MORN5: variants seen among roughly 807,000 people sequenced by gnomAD.
MORN5 encodes MORN repeat-containing protein 5.
Under a neutral mutation model 22.1 loss-of-function variants are expected in MORN5, and 21 were observed. The ratio of observed to expected loss-of-function variants is 0.95; its 90% CI spans 0.67 to 1.37. MORN5 has a LOEUF of 1.37. MORN5 is among the 40% of genes most tolerant of loss of function. MORN5 has a pLI of 0.00. For synonymous variants in MORN5, 73 were observed against 74.0 expected, an observed-to-expected ratio of 0.99 and a Z score of 0.07; for missense variants, 211 against 215.1, an observed-to-expected ratio of 0.98 and a Z score of 0.12.
intron 4 of MORN5, among the ~76,000 whole-genome samples, chr9:122,179,373 T>C (rs957707335): frequency 5.9e-5 from 9 of 152,192 alleles, no homozygotes; most frequent in South Asian, 2.1e-4. Flanking sequence ...TTTGATTACA[T>C]ATAGAGAAGA....
At chr9:122,199,552 C>T (rs1043441323) in intron 4 of MORN5, among the ~76,000 whole-genome samples, 1 of 152,156 alleles carries the variant, frequency 6.6e-6, no homozygotes, top group Non-Finnish European at 1.5e-5. Context: ...CTGGGGCTGT[C>T]GTGCGTGGGC....
chr9:122,169,594 C>A, intron 2 of MORN5, 51 bp from the exon 3 acceptor site: 2 of 1,348,556 alleles, frequency 1.5e-6, no homozygotes, highest in Non-Finnish European at 2.1e-6. Flanking sequence ...AACCTCTTGG[C>A]CAAAAGCCTT....
At chr9:122,171,869 T>C (rs1298714459) in intron 3 of MORN5, among the ~76,000 whole-genome samples, 2 of 151,988 alleles carry the variant, frequency 1.3e-5, no homozygotes, top group Non-Finnish European at 2.9e-5. Flanking sequence ...TCCATCATCT[T>C]TCCCCTTGAT....
intron 4 of MORN5, among the ~76,000 whole-genome samples, chr9:122,193,770 C>G (rs1321600784): frequency 6.6e-6 from 1 of 152,170 alleles, no homozygotes; most frequent in African/African-American, 2.4e-5. Flanking sequence ...AAGGGTGGTC[C>G]CTTGGGAATA....
At chr9:122,171,117 T>A (rs566586912) in intron 3 of MORN5, among the ~76,000 whole-genome samples, 1 of 152,282 alleles carries the variant, frequency 6.6e-6, no homozygotes, top group South Asian at 2.1e-4. Flanking sequence ...TGAGAGACCA[T>A]GAGCTGTGGT....
At chr9:122,189,822 G>T (rs925721841) in intron 4 of MORN5, among the ~76,000 whole-genome samples, 2 of 152,072 alleles carry the variant, frequency 1.3e-5, no homozygotes, top group African/African-American at 4.8e-5. Context: ...TAGACAGGAT[G>T]GTCTCGATCT....
intron 4 of MORN5, among the ~76,000 whole-genome samples, chr9:122,189,542 A>G (rs1411519268): frequency 6.6e-6 from 1 of 152,186 alleles, no homozygotes; most frequent in East Asian, 1.9e-4. Context: ...GGCTGAAGTG[A>G]GCCATGATCA....
At position 122,169,679 on chromosome 9, in the gene MORN5, A is replaced by T. The variant is rs1266404809; in HGVS notation, c.230A>T (p.Asp77Val). ...TYTFSDGLHY[D>V]EKNWHYCDGY... ...ACGTTCTCAGATGGGCTGCACTATG[A>T]TGAGAAAAACTGGCATTACTGCGAC... The change falls in exon 3 of 5, where the codon GAT becomes GTT. Residue 77 changes from aspartate (D) to valine (V), a missense_variant. Coordinates refer to ENST00000373764, the MANE Select transcript of MORN5 (RefSeq NM_198469.4). The T allele has an allele frequency of 6.2e-7, 1 of 1,613,950 alleles. No individual in the cohort carries two copies. Among genetic ancestry groups the T allele is most frequent in the East Asian group, 2.2e-5 (1 of 44,884 alleles).
chr9:122,200,009 C>G lies in MORN5; in HGVS notation c.*78C>G. ...CAGAGGTTTCCATCTGCCCTACTAG[C>G]ATTGGCTGCCCTGGGGGACGGGCTG... On this transcript the variant is annotated 3_prime_UTR_variant, in exon 5 of 5. Coordinates refer to ENST00000373764, the MANE Select transcript of MORN5 (RefSeq NM_198469.4). 1 of 1,424,820 alleles carries G rather than the reference C, an allele frequency of 7.0e-7. No homozygotes were observed. The highest frequency in any genetic ancestry group is 1.7e-4 in the Middle Eastern group (1 of 5,730). 88.3% of individuals were successfully genotyped at this position (1,424,820 alleles called of 1,614,324 possible).
chr9:122,160,320 T>G (rs974097299), intron 1 of MORN5, among the ~76,000 whole-genome samples: 1 of 152,154 alleles, frequency 6.6e-6, no homozygotes, highest in Non-Finnish European at 1.5e-5. Context: ...TGGAGATGTA[T>G]TGCCAATAAA....
intron 4 of MORN5, among the ~76,000 whole-genome samples, chr9:122,181,308 G>A (rs1217404405): frequency 6.6e-6 from 1 of 152,170 alleles, no homozygotes; most frequent in African/African-American, 2.4e-5. Context: ...AAGCCTTTGA[G>A]CTCCGGGTCC....
intron 1 of MORN5, among the ~76,000 whole-genome samples, chr9:122,165,982 G>A (rs1477610701): frequency 6.6e-6 from 1 of 152,122 alleles, no homozygotes; most frequent in Non-Finnish European, 1.5e-5. Context: ...GAGGCTTAAT[G>A]GACTCACAGT....
intron 2 of MORN5, among the ~76,000 whole-genome samples, chr9:122,167,353 C>CTTTTTTT (rs61672512): frequency 9.6e-6 from 1 of 104,550 alleles, no homozygotes; most frequent in Non-Finnish European, 1.9e-5. Flanking sequence ...CGCACCTGAC[C>CTTTTTTT]TTTTTTTTTT....
chr9:122,187,652 C>T (rs1829665015), intron 4 of MORN5, among the ~76,000 whole-genome samples: 1 of 152,172 alleles, frequency 6.6e-6, no homozygotes, highest in Non-Finnish European at 1.5e-5. Context: ...GAAACTCCCA[C>T]CCCTCGAAAT....
intron 4 of MORN5, among the ~76,000 whole-genome samples, chr9:122,189,231 G>A (rs1216438519): frequency 6.6e-6 from 1 of 151,856 alleles, no homozygotes; most frequent in African/African-American, 2.4e-5. Context: ...GTTTTGATCA[G>A]TGTCACCCAT....
At chr9:122,163,314 C>A (rs969853876) in intron 1 of MORN5, among the ~76,000 whole-genome samples, 10 of 152,118 alleles carry the variant, frequency 6.6e-5, no homozygotes, top group Non-Finnish European at 4.4e-5. Context: ...AAAAGTAAGG[C>A]TCGGAGTAAA....
intron 4 of MORN5, among the ~76,000 whole-genome samples, chr9:122,192,725 C>T (rs1829798317): frequency 6.6e-6 from 1 of 152,210 alleles, no homozygotes; most frequent in African/African-American, 2.4e-5. Flanking sequence ...ACAACCCAGC[C>T]TCTCCATGTG....
chr9:122,198,960 A>G (rs897694542), intron 4 of MORN5, among the ~76,000 whole-genome samples: 19 of 152,318 alleles, frequency 1.2e-4, no homozygotes, highest in African/African-American at 4.6e-4. Flanking sequence ...ACAGAGCAAC[A>G]TGCATTTTGA....
chr9:122,174,667 C>T (rs767426463), intron 4 of MORN5, 40 bp downstream of exon 4: 1 of 1,613,352 alleles, frequency 6.2e-7, no homozygotes, highest in Non-Finnish European at 8.5e-7. Flanking sequence ...TTCTCTTCAC[C>T]CACATATGAG....
Sources: allele counts gnomAD v4.1 joint callset (sites outside exome capture counted in the v4.1 genomes callset), GRCh38; gene constraint gnomAD v4.1.1; transcripts MANE v1.5; gene names NCBI Gene and HGNC (gene_info 2026-07-23, HGNC 2026-07-21).